Variants in KCNJ15 observed in about 807,000 individuals in gnomAD.
KCNJ15 encodes the protein potassium inwardly rectifying channel subfamily J member 15.
In KCNJ15, 14 loss-of-function variants were observed where a neutral mutation model predicts 23.0. The observed-to-expected ratio is 0.61, with a 90% CI of 0.40 to 0.95. The LOEUF (loss-of-function observed/expected upper bound fraction) is 0.95, where lower values mean the gene tolerates loss of function less well. KCNJ15 is among the 40% of genes least tolerant of loss of function. The pLI is 0.00. For synonymous variants in KCNJ15, 185 were observed against 183.2 expected, an observed-to-expected ratio of 1.01 and a Z score of -0.08; for missense variants, 388 against 461.8, an observed-to-expected ratio of 0.84 and a Z score of 1.46.
intron 1 of KCNJ15, among the ~76,000 whole-genome samples, chr21:38,232,429 C>A (rs887033424): frequency 1.3e-5 from 2 of 151,742 alleles, no homozygotes; most frequent in Admixed American, 6.6e-5. Context: ...TATAACTTTT[C>A]TAATCTTTAT....
chr21:38,292,281 C>G (rs1486373483), intron 1 of KCNJ15, among the ~76,000 whole-genome samples: 4 of 152,156 alleles, frequency 2.6e-5, no homozygotes, highest in Admixed American at 6.5e-5. Context: ...AAGATAATAT[C>G]TATAACTGCT....
Position 38,300,543 on chromosome 21 carries a change from C to A in KCNJ15, c.*154C>A. 1.6e-6 allele frequency: 1 copy of A among 633,226 alleles called. No individual in the cohort carries two copies. Among genetic ancestry groups the A allele is most frequent in the Non-Finnish European group, 2.7e-6 (1 of 367,806 alleles). The allele number at this position is 633,226 out of a possible 1,614,324, so 39.2% of individuals were successfully genotyped here. The stretch of plus-strand genomic sequence containing the variant: ...TCAATCTTTTCCTTTGATCTTGTGG[C>A]TAAACCAGCATTTCTGTGTTTGAGA... On this transcript the variant is annotated 3_prime_UTR_variant, in exon 3 of 3. Coordinates refer to ENST00000398938, the MANE Select transcript of KCNJ15 (RefSeq NM_170736.3).
rs9983817 is a variant in KCNJ15, at chr21:38,297,446, T to A, written c.-19+423T>A. 1.6e-4 allele frequency among the ~76,000 whole-genome samples: 25 copies of A among 152,172 alleles called. No individual in the cohort carries two copies. The Middle Eastern group carries it at 0.02, about 124-fold the overall frequency. ...GTATCACTCACACTGGAAAACTTAA[T>A]CCTCTGTTTTTATTTCAGTGGATTG... is the stretch of plus-strand genomic sequence containing the variant. On this transcript the variant is annotated intron_variant, in intron 2 of 2. Transcript: ENST00000398938.
intron 1 of KCNJ15, among the ~76,000 whole-genome samples, chr21:38,281,527 G>GT (rs1391081493): frequency 3.9e-5 from 6 of 152,096 alleles, no homozygotes; most frequent in African/African-American, 1.5e-4. Context: ...ATGGTATTTG[G>GT]TTTTCTGTTC....
chr21:38,250,668 C>T (rs1011198498), intron 1 of KCNJ15, among the ~76,000 whole-genome samples: 2 of 152,252 alleles, frequency 1.3e-5, no homozygotes, highest in South Asian at 2.1e-4. Flanking sequence ...ATATTGCCAA[C>T]TTGAAAGACA....
intron 1 of KCNJ15, among the ~76,000 whole-genome samples, chr21:38,276,115 G>C (rs1216171774): frequency 6.6e-6 from 1 of 151,810 alleles, no homozygotes; most frequent in African/African-American, 2.4e-5. Context: ...ATGGGATACT[G>C]TTAAGGCATG....
At chr21:38,256,444 A>C (rs1985508086), upstream of KCNJ15, among the ~76,000 whole-genome samples, 1 of 150,360 alleles carries the variant, frequency 6.7e-6, no homozygotes, top group African/African-American at 2.5e-5. Context: ...TGAGCTAAAA[A>C]CATGAGTTTT....
chr21:38,299,527 C>T lies in KCNJ15; in HGVS notation c.266C>T (p.Ala89Val), dbSNP rs139330268. 1.0e-4 allele frequency: 165 copies of T among 1,614,114 alleles called. No homozygotes were observed. The highest frequency in any genetic ancestry group is 6.7e-4 in the African/African-American group (50 of 75,024). ...TTTGGAGTCATCTACTATGCCATCG[C>T]GTTTATTCATGGGGACTTAGAACCC... ...FLFGVIYYAI[A>V]FIHGDLEPGE... Residue 89 changes from alanine (A) to valine (V), a missense_variant, in exon 3 of 3, where the codon GCG becomes GTG. Physicochemically the swap from Ala to Val is moderately conservative, Grantham distance 64 (BLOSUM62 0). Transcript: ENST00000398938. The surrounding 1 kb of genome is among the most constrained non-coding windows in gnomAD (Gnocchi z 4.5).
Position 38,261,163 on chromosome 21 carries a change from G to A in KCNJ15, c.-117+3978G>A, listed in dbSNP as rs535339304. Among the ~76,000 whole-genome samples the A allele has an allele frequency of 7.9e-5, 12 of 152,284 alleles. No individual in the cohort carries two copies. In the South Asian group the frequency reaches 8.3e-4, roughly 11 times the overall value. On this transcript the variant is annotated intron_variant, in intron 1 of 2. Transcript: ENST00000398938. The stretch of plus-strand genomic sequence containing the variant: ...GTTTCATTCACATCCTGCTTCAGTC[G>A]GAGCTGCCCTGGTGTTGGGCGGATG...
intron 1 of KCNJ15, among the ~76,000 whole-genome samples, chr21:38,262,914 G>C (rs780919398): frequency 1.3e-5 from 2 of 152,118 alleles, no homozygotes; most frequent in African/African-American, 2.4e-5. Flanking sequence ...GTGACCTCAG[G>C]TGATCCTCCC....
rs9983533 is a variant in KCNJ15 at position 38,299,060 on chromosome 21, C to G, written c.-18-184C>G. Among the ~76,000 whole-genome samples, 35,021 of 152,122 alleles carry G rather than the reference C, an allele frequency of 0.23. 4,292 individuals carry two copies. The highest frequency in any genetic ancestry group is 0.32 in the East Asian group (1,642 of 5,160). ...CATTTAACCCCGGTCTGCTTTTCTG[C>G]AAAGCCTCTGCTCCTCACTCTACCC... On this transcript the variant is annotated intron_variant, in intron 2 of 2. Transcript: ENST00000398938. The surrounding 1 kb of genome is among the most constrained non-coding windows in gnomAD (Gnocchi z 4.5).
upstream of KCNJ15, among the ~76,000 whole-genome samples, chr21:38,253,429 C>A (rs958385138): frequency 6.6e-6 from 1 of 152,102 alleles, no homozygotes; most frequent in African/African-American, 2.4e-5. Context: ...TTTTCAATGC[C>A]TCTAGGATAA....
At position 38,304,244 on chromosome 21, in the gene KCNJ15, TC is replaced by T. The variant is rs1388347798; in HGVS notation, c.*3861del. On this transcript the variant is annotated 3_prime_UTR_variant, in exon 3 of 3. Coordinates refer to ENST00000398938, the MANE Select transcript of KCNJ15 (RefSeq NM_170736.3). ...TAGGTATATCTCCTAATGCTATCCC[TC>T]CCCCCTCCCCCCACCCCACAACAGT... 1.5e-4 allele frequency: 15 copies of T among 102,678 alleles called. No homozygotes were observed. The highest frequency in any genetic ancestry group is 4.2e-4 in the South Asian group (1 of 2,380). 6.4% of individuals were successfully genotyped at this position (102,678 alleles called of 1,614,324 possible). A position where few individuals can be genotyped will look rare whatever the true frequency, so the allele number is the denominator to read the frequency against.
intron 1 of KCNJ15, among the ~76,000 whole-genome samples, chr21:38,239,362 C>T (rs1461419431): frequency 6.6e-6 from 1 of 152,242 alleles, no homozygotes; most frequent in Non-Finnish European, 1.5e-5. Context: ...TTATGGCTCT[C>T]GGCTCAGGGA....
intron 1 of KCNJ15, chr21:38,272,355 T>G (rs918113974): frequency 6.6e-6 from 1 of 152,318 alleles, no homozygotes; most frequent in Non-Finnish European, 1.5e-5. Flanking sequence ...GGACCGAGGC[T>G]CTGCCTGAAT....
chr21:38,233,657 T>A (rs1978416647), intron 1 of KCNJ15, among the ~76,000 whole-genome samples: 1 of 152,268 alleles, frequency 6.6e-6, no homozygotes, highest in South Asian at 2.1e-4. Flanking sequence ...AGACTCAAAT[T>A]ATTAAAATCA....
At chr21:38,265,169 G>A (rs1162337716) in intron 1 of KCNJ15, among the ~76,000 whole-genome samples, 4 of 152,148 alleles carry the variant, frequency 2.6e-5, no homozygotes, top group Non-Finnish European at 5.9e-5. Flanking sequence ...AAAGGTATTT[G>A]GCTCTGAATG....
At chr21:38,252,531 T>C (rs1979909122), upstream of KCNJ15, among the ~76,000 whole-genome samples, 1 of 152,160 alleles carries the variant, frequency 6.6e-6, no homozygotes, top group Non-Finnish European at 1.5e-5. Flanking sequence ...ATGATACCAA[T>C]AACAAAGGTT....
chr21:38,258,596 C>T (rs1980533552), intron 1 of KCNJ15, among the ~76,000 whole-genome samples: 1 of 152,198 alleles, frequency 6.6e-6, no homozygotes, highest in Admixed American at 6.5e-5. Context: ...ATGTCAGAAA[C>T]GCTCATCAAA....
Sources: allele counts gnomAD v4.1 joint callset (sites outside exome capture counted in the v4.1 genomes callset), GRCh38; gene constraint gnomAD v4.1.1; non-coding constraint Gnocchi (gnomAD v3.1); transcripts MANE v1.5; gene names NCBI Gene and HGNC (gene_info 2026-07-23, HGNC 2026-07-21).